The following NCOA3 variants were observed in gnomAD, a reference collection of about 807,000 sequenced individuals.
The protein encoded by NCOA3 is CBP-interacting protein.
Under a neutral mutation model 158.8 loss-of-function variants are expected in NCOA3, and 51 were observed. The ratio of observed to expected loss-of-function variants is 0.32; its 90% CI spans 0.26 to 0.41. The LOEUF (loss-of-function observed/expected upper bound fraction) is 0.41. NCOA3 is among the 10% of genes least tolerant of loss of function. The pLI is 1.00. For synonymous variants in NCOA3, 537 were observed against 592.4 expected (o/e 0.91, Z 1.36); for missense variants, 1,510 against 1,746.6 (o/e 0.86, Z 2.41).
At chr20:47,584,373 A>G (rs6090700) in intron 2 of NCOA3, among the ~76,000 whole-genome samples, 20,667 of 152,176 alleles carry the variant, frequency 0.14, 2,027 homozygotes, top group African/African-American at 0.26. Flanking sequence ...TAATCCCAGC[A>G]CTTTGGGAGG....
In NCOA3 at chr20:47,544,337, T is replaced by C. The variant is rs1169399062; in HGVS notation, c.-98-38846T>C. ...ACTACTTTTTTTTTTTTTTTTTTTT[T>C]CCCTTAAACGCAGGGTCTCACTGTC... On this transcript the variant is annotated intron_variant, in intron 1 of 22. Transcript: ENST00000371998. 4.4e-4 allele frequency among the ~76,000 whole-genome samples: 46 copies of C among 103,722 alleles called. 1 individual carries two copies. The East Asian group carries it at 6.6e-3, about 15-fold the overall frequency. The allele number at this position is 103,722 out of a possible 152,430, so 68.0% of individuals were successfully genotyped here. A position where few individuals can be genotyped will look rare whatever the true frequency, so the allele number is the denominator to read the frequency against.
chr20:47,597,858 G>A (rs555495567), intron 2 of NCOA3, among the ~76,000 whole-genome samples: 2 of 152,054 alleles, frequency 1.3e-5, no homozygotes, highest in African/African-American at 4.8e-5. Flanking sequence ...CTTCTTGCAT[G>A]TTGTCTGCTT....
In NCOA3 at chr20:47,586,576, G is replaced by A. The variant is rs1371001894; in HGVS notation, c.-20+3315G>A. ...CAGTTTTGTCAGTTGACCTAAGAAAGTCTCTTGTAGCATTTTCTATGCTTC... is the reference window on the plus strand; with the variant it reads ...CAGTTTTGTCAGTTGACCTAAGAAAATCTCTTGTAGCATTTTCTATGCTTC... On this transcript the variant is annotated intron_variant, in intron 2 of 22. Transcript: ENST00000371998. 2.0e-5 allele frequency among the ~76,000 whole-genome samples: 3 copies of A among 152,138 alleles called. No individual in the cohort carries two copies. In the East Asian group the frequency reaches 5.8e-4, roughly 29 times the overall value.
intron 1 of NCOA3, among the ~76,000 whole-genome samples, chr20:47,564,546 CTTTT>C (rs11478554): frequency 6.9e-6 from 1 of 144,656 alleles, no homozygotes; most frequent in Non-Finnish European, 1.5e-5. Flanking sequence ...TATTTCTCCT[CTTTT>C]TTTTTTTTTT....
rs72661172 is a variant in NCOA3 at position 47,502,425 on chromosome 20, C to G, written c.-99+406C>G. Among the ~76,000 whole-genome samples the G allele has an allele frequency of 9.3e-4, 142 of 152,298 alleles. 1 individual carries two copies. In the East Asian group the frequency reaches 0.02, roughly 22 times the overall value. On this transcript the variant is annotated intron_variant, in intron 1 of 22. Coordinates refer to ENST00000371998, the MANE Select transcript of NCOA3 (RefSeq NM_181659.3). The stretch of plus-strand genomic sequence containing the variant: ...CGTCGTCCTCCTGCTGCCCCGGCTC[C>G]TTAGCAGCTTCTGGGACGCACGGGA...
intron 2 of NCOA3, 57 bp from the exon 3 acceptor site, chr20:47,622,172 A>C (rs2086251793): frequency 5.5e-6 from 5 of 904,468 alleles, no homozygotes; most frequent in Non-Finnish European, 8.8e-6. Flanking sequence ...TAACACCTTC[A>C]TAGAGTCATG....
chr20:47,644,986 G>A (rs950229471), intron 17 of NCOA3, among the ~76,000 whole-genome samples: 6 of 151,848 alleles, frequency 4.0e-5, no homozygotes, highest in Non-Finnish European at 7.4e-5. Flanking sequence ...GTGAGCCACC[G>A]CGCCTGGCCA....
intron 1 of NCOA3, among the ~76,000 whole-genome samples, chr20:47,546,934 G>A (rs1293152026): frequency 6.6e-6 from 1 of 152,046 alleles, no homozygotes; most frequent in East Asian, 1.9e-4. Context: ...TTGCCTTTGG[G>A]TATGCCCTTT....
chr20:47,611,933 C>T (rs916950279), intron 2 of NCOA3, among the ~76,000 whole-genome samples: 5 of 152,100 alleles, frequency 3.3e-5, no homozygotes, highest in African/African-American at 7.2e-5. Context: ...CAGGTGATAC[C>T]CCCACCTCAG....
At position 47,647,004 on chromosome 20, in the gene NCOA3, C is replaced by T. The variant is rs1348494973; in HGVS notation, c.3253-69C>T. On this transcript the variant is annotated intron_variant, in intron 17 of 22. Coordinates refer to ENST00000371998, the MANE Select transcript of NCOA3 (RefSeq NM_181659.3). ...AATGACTGGATGTTTTTTGCACTTT[C>T]TTTAGAGCATTTGACTTCTGTTGCT... 1.9e-5 allele frequency: 28 copies of T among 1,465,730 alleles called. No homozygotes were observed. In the Admixed American group the frequency reaches 3.4e-4, roughly 18 times the overall value. 90.8% of individuals were successfully genotyped at this position (1,465,730 alleles called of 1,614,324 possible).
At chr20:47,592,208 AT>A (rs935195105) in intron 2 of NCOA3, among the ~76,000 whole-genome samples, 2 of 151,572 alleles carry the variant, frequency 1.3e-5, no homozygotes, top group African/African-American at 4.9e-5. Context: ...CACCTGGCTA[AT>A]TTTTTTTGTA....
At chr20:47,621,492 G>A (rs915098848) in intron 2 of NCOA3, among the ~76,000 whole-genome samples, 1 of 152,046 alleles carries the variant, frequency 6.6e-6, no homozygotes, top group African/African-American at 2.4e-5. Context: ...CTTTACAACA[G>A]TGATCGTCTT....
At chr20:47,604,379 G>A (rs551537832) in intron 2 of NCOA3, among the ~76,000 whole-genome samples, 5 of 152,114 alleles carry the variant, frequency 3.3e-5, no homozygotes, top group Non-Finnish European at 7.4e-5. Flanking sequence ...AGTTGGATTC[G>A]TTGTTTTCTT....
intron 1 of NCOA3, among the ~76,000 whole-genome samples, chr20:47,522,852 A>G (rs1271698170): frequency 6.6e-6 from 1 of 151,726 alleles, no homozygotes; most frequent in African/African-American, 2.4e-5. Flanking sequence ...GCCTGGCTCT[A>G]AGAGCTGAGG....
chr20:47,526,760 G>A (rs2084459533), intron 1 of NCOA3, among the ~76,000 whole-genome samples: 1 of 152,082 alleles, frequency 6.6e-6, no homozygotes, highest in South Asian at 2.1e-4. Context: ...GGAAAGAGAG[G>A]GAGAGGGAGA....
At chr20:47,520,768 G>C (rs1471204409) in intron 1 of NCOA3, among the ~76,000 whole-genome samples, 1 of 152,112 alleles carries the variant, frequency 6.6e-6, no homozygotes, top group East Asian at 1.9e-4. Context: ...CCCTCTGAAG[G>C]TCCTTTGCGC....
At chr20:47,516,246 G>A (rs549584424) in intron 1 of NCOA3, among the ~76,000 whole-genome samples, 2 of 152,276 alleles carry the variant, frequency 1.3e-5, no homozygotes, top group South Asian at 4.1e-4. Context: ...TGGGGGGATG[G>A]TGATAGGGGA....
rs2230783 is a variant in NCOA3, at chr20:47,636,715, T to G, written c.2329T>G (p.Ser777Ala). The change falls in exon 12 of 23, where the codon TCA becomes GCA. Residue 777 changes from serine to alanine, a missense_variant. By Grantham distance (99) the Ser-to-Ala change is moderately conservative. Transcript: ENST00000371998. ...GTGCACCAGCTCCACCATTCCTAGC[T>G]CAAGTCAAGAGAAAGACCCTAAAAT... ...SQCTSSTIPS[S>A]SQEKDPKIKT... 737 of 1,613,830 alleles carry G rather than the reference T, an allele frequency of 4.6e-4. 4 individuals carry two copies. The African/African-American group carries it at 8.2e-3, about 18-fold the overall frequency.
chr20:47,504,502 T>TTTA (rs2083993843), intron 1 of NCOA3, among the ~76,000 whole-genome samples: 1 of 143,658 alleles, frequency 7.0e-6, no homozygotes. Flanking sequence ...TTTTTTTTTT[T>TTTA]TAACGAATTC....
Sources: allele counts gnomAD v4.1 joint callset (sites outside exome capture counted in the v4.1 genomes callset), GRCh38; gene constraint gnomAD v4.1.1; transcripts MANE v1.5; gene names NCBI Gene and HGNC (gene_info 2026-07-23, HGNC 2026-07-21).